Variants in SCN10A observed in about 807,000 individuals in gnomAD.
The protein encoded by SCN10A is sodium channel protein type 10 subunit alpha.
Under a neutral mutation model 170.7 loss-of-function variants are expected in SCN10A, and 162 were observed. That is an observed-to-expected ratio of 0.95 (90% CI 0.84 to 1.08). The LOEUF (loss-of-function observed/expected upper bound fraction) is 1.08, where lower values mean the gene tolerates loss of function less well. Among genes scored for constraint, SCN10A ranks in the 50% least tolerant of loss-of-function variants. The pLI is 0.00. For missense variants in SCN10A, 2,527 were observed against 2,436.9 expected (o/e 1.04, Z -0.78); for synonymous variants, 985 against 904.6 (o/e 1.09, Z -1.59).
chr3:38,786,932 G>A (rs372268339), intron 4 of SCN10A, among the ~76,000 whole-genome samples: 3 of 152,198 alleles, frequency 2.0e-5, no homozygotes, highest in South Asian at 4.2e-4. Flanking sequence ...AGTAAATCTC[G>A]ACATCCAGTA....
chr3:38,803,484 T>G (rs540150371), intron 1 of SCN10A, among the ~76,000 whole-genome samples: 3 of 151,974 alleles, frequency 2.0e-5, no homozygotes, highest in African/African-American at 7.2e-5. Context: ...AAAAGGATGA[T>G]TTCATGTCCT....
chr3:38,800,574 G>A (rs543597128), intron 1 of SCN10A, among the ~76,000 whole-genome samples: 2 of 152,256 alleles, frequency 1.3e-5, no homozygotes, highest in South Asian at 4.1e-4. Context: ...CAGTATTAGG[G>A]AGTTTTGGAA....
At chr3:38,746,063 G>GTGTA (rs1293476818) in intron 13 of SCN10A, among the ~76,000 whole-genome samples, 12 of 61,670 alleles carry the variant, frequency 1.9e-4, no homozygotes, top group Admixed American at 7.5e-4. Context: ...GTGTGTATGT[G>GTGTA]TATATATATA....
chr3:38,730,079 G>T (rs2063499339), intron 15 of SCN10A, among the ~76,000 whole-genome samples: 1 of 152,172 alleles, frequency 6.6e-6, no homozygotes, highest in African/African-American at 2.4e-5. Context: ...TAACTAGTAT[G>T]GGGAGCAGGA....
intron 1 of SCN10A, among the ~76,000 whole-genome samples, chr3:38,806,508 C>T (rs2064406322): frequency 6.6e-6 from 1 of 152,038 alleles, no homozygotes; most frequent in Non-Finnish European, 1.5e-5. Context: ...GTTGAAATAG[C>T]CACTGGACTC....
intron 4 of SCN10A, 98 bp from the exon 5 acceptor site, chr3:38,771,505 C>A: frequency 7.9e-7 from 1 of 1,267,306 alleles, no homozygotes; most frequent in Non-Finnish European, 1.1e-6. Flanking sequence ...TCTGACTGCT[C>A]CAAGAAAAAA....
chr3:38,773,093 A>AATAAT (rs2064028691), intron 4 of SCN10A, among the ~76,000 whole-genome samples: 8 of 152,208 alleles, frequency 5.3e-5, no homozygotes, highest in Admixed American at 2.0e-4. Flanking sequence ...CTAATACAGA[A>AATAAT]GTCTTTCCCT....
chr3:38,706,781 G>A lies in SCN10A; in HGVS notation c.4386+498C>T, dbSNP rs1175586686. 5.9e-5 allele frequency among the ~76,000 whole-genome samples: 9 copies of A among 152,238 alleles called. No individual in the cohort carries two copies. In the East Asian group the frequency reaches 9.7e-4, roughly 16 times the overall value. On this transcript the variant is annotated intron_variant, in intron 26 of 27. Transcript: ENST00000449082. ...TTAAACTCGAGTGGGATAACTTTTG[G>A]TTCCTACTGGGCCACTTGACCACTA...
chr3:38,782,780 T>A (rs949817198), intron 4 of SCN10A, among the ~76,000 whole-genome samples: 11 of 152,236 alleles, frequency 7.2e-5, no homozygotes, highest in South Asian at 2.1e-4. Context: ...TCATTTATTT[T>A]AAAAAATTAT....
At chr3:38,707,147 C>A in intron 26 of SCN10A, 132 bp downstream of exon 26, 1 of 904,332 alleles carries the variant, frequency 1.1e-6, no homozygotes, top group African/African-American at 1.7e-5. Context: ...ACCCTCATCA[C>A]CCTCATCCCA....
Position 38,697,741 on chromosome 3 carries a change from C to T in SCN10A, c.5479G>A (p.Glu1827Lys), listed in dbSNP as rs757155232. Residue 1827 changes from glutamate (E) to lysine (K), a missense_variant, in exon 28 of 28, where the codon GAG becomes AAG. Glu to Lys is a moderately conservative substitution (Grantham distance 56). Coordinates refer to ENST00000449082, the MANE Select transcript of SCN10A (RefSeq NM_006514.4). Reference sequence around the variant, plus strand: ...GAAAGATTAGTTGCCATAAACTTCTCCTCCATATTTGCCTTCAGAGAATCC... The same window carrying T: ...GAAAGATTAGTTGCCATAAACTTCTTCTCCATATTTGCCTTCAGAGAATCC... ...ELDSLKANME[E>K]KFMATNLSKS... is the part of the protein sequence containing the mutation. 5.5e-5 allele frequency: 89 copies of T among 1,613,848 alleles called. 3 individuals are homozygous for T. The South Asian group carries it at 8.9e-4, about 16-fold the overall frequency.
chr3:38,798,768 T>C (rs1288865794), intron 1 of SCN10A, among the ~76,000 whole-genome samples: 1 of 149,430 alleles, frequency 6.7e-6, no homozygotes, highest in East Asian at 2.0e-4. Context: ...AACAGCGATA[T>C]TTGGTTCCCC....
chr3:38,731,883 G>T (rs2063516362), intron 15 of SCN10A, among the ~76,000 whole-genome samples: 1 of 152,190 alleles, frequency 6.6e-6, no homozygotes, highest in Non-Finnish European at 1.5e-5. Flanking sequence ...CTGCCTTGAA[G>T]ACAGCACAGG....
intron 1 of SCN10A, among the ~76,000 whole-genome samples, chr3:38,801,236 C>A (rs1203773110): frequency 2.6e-5 from 4 of 152,174 alleles, no homozygotes; most frequent in African/African-American, 9.7e-5. Context: ...GACTAAGCCT[C>A]ATGAGGTGAA....
chr3:38,743,063 A>G (rs2063651299), intron 13 of SCN10A, among the ~76,000 whole-genome samples: 2 of 152,104 alleles, frequency 1.3e-5, no homozygotes, highest in South Asian at 4.1e-4. Context: ...TCTATATTAT[A>G]TTCCATTCCT....
chr3:38,813,917 A>G (rs1197827332), intron 1 of SCN10A, among the ~76,000 whole-genome samples: 1 of 152,210 alleles, frequency 6.6e-6, no homozygotes, highest in Non-Finnish European at 1.5e-5. Flanking sequence ...GATCCATGAC[A>G]CCAAGCCATG....
chr3:38,766,794 A>G (rs1405242300), intron 5 of SCN10A, among the ~76,000 whole-genome samples: 1 of 152,112 alleles, frequency 6.6e-6, no homozygotes, highest in Non-Finnish European at 1.5e-5. Flanking sequence ...AATAGTTTCA[A>G]TAAAATTGGT....
intron 15 of SCN10A, among the ~76,000 whole-genome samples, chr3:38,737,787 TCCCTCC>T (rs1312007639): frequency 3.6e-5 from 4 of 110,242 alleles, no homozygotes; most frequent in East Asian, 3.3e-4. Flanking sequence ...TCTCCCTCCC[TCCCTCC>T]CTTCCTCTTT....
intron 4 of SCN10A, among the ~76,000 whole-genome samples, chr3:38,782,728 C>T (rs2064153537): frequency 6.6e-6 from 1 of 152,012 alleles, no homozygotes; most frequent in Non-Finnish European, 1.5e-5. Context: ...TAGTAACCAT[C>T]TTCTGATTTA....
Sources: allele counts gnomAD v4.1 joint callset (sites outside exome capture counted in the v4.1 genomes callset), GRCh38; gene constraint gnomAD v4.1.1; transcripts MANE v1.5; gene names NCBI Gene and HGNC (gene_info 2026-07-23, HGNC 2026-07-21).